The following TMEM273 variants were observed in gnomAD, a reference collection of about 807,000 sequenced individuals.
The protein encoded by TMEM273 is transmembrane protein 273.
In TMEM273, 19 loss-of-function variants were observed where a neutral mutation model predicts 17.9. The observed-to-expected ratio is 1.06, with a 90% CI of 0.74 to 1.55. TMEM273 has a LOEUF of 1.55. Ranked by LOEUF, TMEM273 falls within the 40% of genes most tolerant of loss-of-function variation. TMEM273 has a pLI of 0.00. For missense variants in TMEM273, 194 were observed against 155.6 expected (o/e 1.25, Z -1.31); for synonymous variants, 66 against 62.0 (o/e 1.07, Z -0.31).
chr10:49,181,600 A>G (rs1395982750), intron 1 of TMEM273, among the ~76,000 whole-genome samples: 1 of 152,198 alleles, frequency 6.6e-6, no homozygotes, highest in Admixed American at 6.5e-5. Context: ...AAATATATTC[A>G]ATAGAGGAAG....
chr10:49,170,340 C>T (rs1846476900), intron 1 of TMEM273, among the ~76,000 whole-genome samples: 1 of 152,152 alleles, frequency 6.6e-6, no homozygotes, highest in Admixed American at 6.5e-5. Flanking sequence ...CTGCATCCTT[C>T]CTCATTGACT....
At chr10:49,168,588 C>T (rs574195270) in intron 1 of TMEM273, among the ~76,000 whole-genome samples, 160 of 151,654 alleles carry the variant, frequency 1.1e-3, no homozygotes, top group African/African-American at 3.5e-3. Context: ...CTCTGGGCTG[C>T]GTGGTATAGT....
chr10:49,173,113 C>A lies in TMEM273; in HGVS notation c.44-5151G>T, dbSNP rs966002286. On this transcript the variant is annotated intron_variant, in intron 1 of 6. Transcript: ENST00000374153. ...GCGTTTGCCCACTGCAGGGAGCCTG[C>A]AGACTGAAGTCCCTGCTGAAGAAGG... is the stretch of plus-strand genomic sequence containing the variant. Among the ~76,000 whole-genome samples, 3 of 152,346 alleles carry A rather than the reference C, an allele frequency of 2.0e-5. 1 individual carries two copies. Among genetic ancestry groups the A allele is most frequent in the South Asian group, 4.1e-4 (2 of 4,834 alleles).
chr10:49,170,620 G>A (rs1846498734), intron 1 of TMEM273, among the ~76,000 whole-genome samples: 2 of 152,180 alleles, frequency 1.3e-5, no homozygotes, highest in South Asian at 2.1e-4. Flanking sequence ...CTTGCAGGGA[G>A]ACCAACGTGG....
chr10:49,171,726 C>T (rs556433740), intron 1 of TMEM273, among the ~76,000 whole-genome samples: 1 of 152,344 alleles, frequency 6.6e-6, no homozygotes, highest in South Asian at 2.1e-4. Flanking sequence ...GGGAGGGCAG[C>T]CACCCCAGCT....
chr10:49,169,816 C>T (rs1846435435), intron 1 of TMEM273, among the ~76,000 whole-genome samples: 1 of 152,236 alleles, frequency 6.6e-6, no homozygotes, highest in East Asian at 1.9e-4. Context: ...GAGCACATTT[C>T]CAGACTGACA....
At chr10:49,171,238 A>G (rs1300588449) in intron 1 of TMEM273, among the ~76,000 whole-genome samples, 2 of 152,218 alleles carry the variant, frequency 1.3e-5, no homozygotes, top group Admixed American at 1.3e-4. Flanking sequence ...ATCTGGCTTC[A>G]CCCCATCTGA....
chr10:49,166,971 C>T lies in TMEM273; in HGVS notation c.136G>A (p.Ala46Thr), dbSNP rs201671898. The part of the protein sequence containing the change: ...YALIGTAVGV[A>T]ISAGFLALKI... ...AGGGCCAGGAAGCCAGCAGATATGG[C>T]GACACCCACAGCAGTCCCGATGAGG... The change falls in exon 3 of 7, where the codon GCC (alanine) becomes ACC (threonine). Residue 46 changes from alanine to threonine, a missense_variant. Transcript: ENST00000374153. The T allele has an allele frequency of 1.4e-5, 23 of 1,614,030 alleles. No individual in the cohort carries two copies. The highest frequency in any genetic ancestry group is 4.0e-5 in the African/African-American group (3 of 74,934).
intron 1 of TMEM273, among the ~76,000 whole-genome samples, chr10:49,177,576 C>T (rs1189357208): frequency 6.6e-6 from 1 of 152,228 alleles, no homozygotes; most frequent in East Asian, 1.9e-4. Flanking sequence ...AGTGACGTGA[C>T]CTCTTCAGGC....
chr10:49,169,973 C>G (rs1310397791), intron 1 of TMEM273, among the ~76,000 whole-genome samples: 1 of 152,244 alleles, frequency 6.6e-6, no homozygotes, highest in Non-Finnish European at 1.5e-5. Context: ...GGCCAGACCC[C>G]TGAGCCCCAG....
At chr10:49,163,244 T>C (rs1845958311) in intron 5 of TMEM273, among the ~76,000 whole-genome samples, 1 of 152,062 alleles carries the variant, frequency 6.6e-6, no homozygotes, top group African/African-American at 2.4e-5. Context: ...TAAAAAGGAA[T>C]GTGACAACTT....
chr10:49,186,068 G>GAAGAAGAAGAAGAAGAA lies in TMEM273; in HGVS notation c.43+2225_43+2226insTTCTTCTTCTTCTTCTT. ...AAGAAGAAGAGGAAGAAGAAGAAGA[G>GAAGAAGAAGAAGAAGAA]GAAGAAGAAGAAGAAGAAGAAGAAG... On this transcript the variant is annotated intron_variant, in intron 1 of 6. Transcript: ENST00000374153. Among the ~76,000 whole-genome samples, 163 of 67,152 alleles carry GAAGAAGAAGAAGAAGAA rather than the reference G, an allele frequency of 2.4e-3. 2 individuals carry two copies. The highest frequency in any genetic ancestry group is 4.4e-3 in the African/African-American group (87 of 19,778). 44.1% of individuals were successfully genotyped at this position (67,152 alleles called of 152,430 possible).
chr10:49,155,672 C>T lies in TMEM273; in HGVS notation c.*220G>A, dbSNP rs1209582131. ...CTGCAGGCTAAATTGCTCAATCCTT[C>T]CTCTGTGCAGTCCGTTTCTTCCAGA... On this transcript the variant is annotated 3_prime_UTR_variant, in exon 7 of 7. Transcript: ENST00000374153. 3.1e-6 allele frequency: 2 copies of T among 642,620 alleles called. No homozygotes were observed. The highest frequency in any genetic ancestry group is 1.8e-5 in the African/African-American group (1 of 54,662). The allele number at this position is 642,620 out of a possible 1,614,324, so 39.8% of individuals were successfully genotyped here.
At chr10:49,167,114 C>T in intron 2 of TMEM273, 105 bp from the exon 3 acceptor site, 1 of 1,477,110 alleles carries the variant, frequency 6.8e-7, no homozygotes, top group Admixed American at 1.9e-5. Flanking sequence ...CACACCACCT[C>T]CCACTGGCTG....
chr10:49,180,152 C>A (rs1847252753), intron 1 of TMEM273, among the ~76,000 whole-genome samples: 1 of 152,192 alleles, frequency 6.6e-6, no homozygotes, highest in Admixed American at 6.5e-5. Flanking sequence ...CTCACCCTTC[C>A]TGCTAGGAAA....
chr10:49,184,804 C>A (rs533788316), intron 1 of TMEM273, among the ~76,000 whole-genome samples: 2 of 152,326 alleles, frequency 1.3e-5, no homozygotes, highest in South Asian at 4.1e-4. Flanking sequence ...CGAGAGGGCT[C>A]ATCGAAGCCT....
intron 1 of TMEM273, among the ~76,000 whole-genome samples, chr10:49,184,260 GCTT>G (rs151187510): frequency 0.028 from 4,268 of 152,130 alleles, 123 homozygotes; most frequent in Non-Finnish European, 0.034. Flanking sequence ...TTTTTAAAAT[GCTT>G]CTTAACACAG....
Position 49,167,953 on chromosome 10 carries a change from C to G in TMEM273, c.53G>C (p.Gly18Ala). 1 of 1,614,060 alleles carries G rather than the reference C, an allele frequency of 6.2e-7. No individual in the cohort carries two copies. The highest frequency in any genetic ancestry group is 8.5e-7 in the Non-Finnish European group (1 of 1,180,008). Residue 18 changes from glycine to alanine, a missense_variant, in exon 2 of 7, where the codon GGA becomes GCA. Gly to Ala is a moderately conservative substitution (Grantham distance 60, BLOSUM62 0). Coordinates refer to ENST00000374153, the MANE Select transcript of TMEM273 (RefSeq NM_001288740.3). The stretch of plus-strand genomic sequence containing the variant: ...CTTGCCTGTTGCCAGCACTTGAGCT[C>G]CTCCTACATCTGCAAAGAAAGAAAC... The part of the protein sequence containing the change: ...LRILFLLDVG[G>A]AQVLATGKTP...
In TMEM273 at chr10:49,155,885, C is replaced by G; in HGVS notation, c.*7G>C. On this transcript the variant is annotated 3_prime_UTR_variant, in exon 7 of 7. Coordinates refer to ENST00000374153, the MANE Select transcript of TMEM273 (RefSeq NM_001288740.3). ...AACCCCTCTTCACGTCACTGCTCAC[C>G]TACAGCTCAATCACCTGTGCATCTC... 2 of 1,614,208 alleles carry G rather than the reference C, an allele frequency of 1.2e-6. No homozygotes were observed. The highest frequency in any genetic ancestry group is 1.7e-6 in the Non-Finnish European group (2 of 1,180,038).
Sources: allele counts gnomAD v4.1 joint callset (sites outside exome capture counted in the v4.1 genomes callset), GRCh38; gene constraint gnomAD v4.1.1; transcripts MANE v1.5; gene names NCBI Gene and HGNC (gene_info 2026-07-23, HGNC 2026-07-21).